COA1: variants seen among roughly 807,000 people sequenced by gnomAD.
COA1 encodes cytochrome c oxidase assembly factor 1 homolog.
Under a neutral mutation model 16.0 loss-of-function variants are expected in COA1, and 13 were observed. The ratio of observed to expected loss-of-function variants is 0.81; its 90% CI spans 0.53 to 1.29. The LOEUF is 1.29. Among genes scored for constraint, COA1 ranks in the 50% most tolerant of loss-of-function variants. The pLI, the probability that COA1 is intolerant of heterozygous loss-of-function variation, is 0.00. For missense variants in COA1, 179 were observed against 177.0 expected (o/e 1.01, Z -0.06); for synonymous variants, 65 against 65.7 (o/e 0.99, Z 0.05).
intron 1 of COA1, among the ~76,000 whole-genome samples, chr7:43,653,274 T>A (rs1210421235): frequency 1.3e-5 from 2 of 151,394 alleles, no homozygotes; most frequent in Non-Finnish European, 2.9e-5. Flanking sequence ...ATTGCGCCAC[T>A]GCACTCCAGC....
chr7:43,641,555 A>C (rs912811436), intron 4 of COA1: 1 of 152,210 alleles, frequency 6.6e-6, no homozygotes, highest in Non-Finnish European at 1.5e-5. Flanking sequence ...TACCAAAAAA[A>C]ATTCACTGTT....
At chr7:43,668,237 C>T (rs2093014091) in intron 1 of COA1, among the ~76,000 whole-genome samples, 2 of 152,184 alleles carry the variant, frequency 1.3e-5, no homozygotes, top group Admixed American at 6.5e-5. Flanking sequence ...TCCAGCAGCT[C>T]CAAGTTTATC....
At position 43,645,260 on chromosome 7, in the gene COA1, A is replaced by T. The variant is rs767230772; in HGVS notation, c.255T>A (p.Val85=). 6.2e-7 allele frequency: 1 copy of T among 1,613,980 alleles called. No homozygotes were observed. ...LIDRENFVDI[V]DAKLKIPVSG... is the part of the protein sequence containing the mutation. ...AGGGAAAGCACATTACCTTGGCATCAACAATGTCCACGAAGTTTTCCCTGT... is the reference window on the plus strand; with the variant it reads ...AGGGAAAGCACATTACCTTGGCATCTACAATGTCCACGAAGTTTTCCCTGT... Residue 85 remains valine, a synonymous_variant, in exon 4 of 6, where the codon GTT becomes GTA. Transcript: ENST00000223336.
intron 1 of COA1, among the ~76,000 whole-genome samples, chr7:43,721,776 G>T (rs917974135): frequency 1.3e-5 from 2 of 151,398 alleles, no homozygotes; most frequent in Non-Finnish European, 2.9e-5. Flanking sequence ...TTTACTGTAC[G>T]GTAATTTAAA....
At chr7:43,698,304 C>T (rs2094592627) in intron 1 of COA1, among the ~76,000 whole-genome samples, 1 of 152,094 alleles carries the variant, frequency 6.6e-6, no homozygotes, top group Admixed American at 6.5e-5. Flanking sequence ...TTTCCAGGAA[C>T]TCACTGCTTG....
chr7:43,648,862 T>G (rs1308022106), intron 1 of COA1: 1 of 512,416 alleles, frequency 2.0e-6, no homozygotes, highest in Non-Finnish European at 3.5e-6. Flanking sequence ...CCTGCGGGTT[T>G]CCTGTCTGTG....
intron 1 of COA1, among the ~76,000 whole-genome samples, chr7:43,712,021 C>T (rs1039855485): frequency 2.0e-5 from 3 of 152,108 alleles, no homozygotes; most frequent in Non-Finnish European, 2.9e-5. Flanking sequence ...TGATCCCATC[C>T]CCTTCCCTCC....
chr7:43,619,486 T>C, intron 6 of COA1: 20 of 1,326,926 alleles, frequency 1.5e-5, no homozygotes, highest in Non-Finnish European at 2.1e-5. Flanking sequence ...GACTGTTTAC[T>C]GTTAAATTCC....
intron 6 of COA1, chr7:43,632,955 C>G (rs190767222): frequency 6.6e-6 from 1 of 152,136 alleles, no homozygotes; most frequent in African/African-American, 2.4e-5. Flanking sequence ...TTTGTTGTTG[C>G]GTTTATACAG....
intron 6 of COA1, chr7:43,619,659 C>T (rs1397170647): frequency 5.0e-6 from 8 of 1,613,952 alleles, no homozygotes; most frequent in Non-Finnish European, 6.8e-6. Context: ...TTGATTTTGG[C>T]CTTTCAAGAA....
chr7:43,644,011 T>TG (rs1240315954), intron 4 of COA1, among the ~76,000 whole-genome samples: 1 of 152,184 alleles, frequency 6.6e-6, no homozygotes, highest in Non-Finnish European at 1.5e-5. Flanking sequence ...GATGACACTG[T>TG]GGCCCCTGGT....
At chr7:43,728,343 CTTTTG>C (rs1364450723) in intron 1 of COA1, among the ~76,000 whole-genome samples, 1 of 107,402 alleles carries the variant, frequency 9.3e-6, no homozygotes, top group Non-Finnish European at 1.7e-5. Context: ...GGACTGAAGA[CTTTTG>C]TTTTGTGTTT....
chr7:43,675,213 A>T (rs2093456674), intron 1 of COA1, among the ~76,000 whole-genome samples: 1 of 152,238 alleles, frequency 6.6e-6, no homozygotes, highest in Non-Finnish European at 1.5e-5. Context: ...TGGATTAAGA[A>T]AATGTGGCAC....
chr7:43,622,675 ATTTAC>A (rs1220855523), intron 6 of COA1: 1 of 147,282 alleles, frequency 6.8e-6, no homozygotes, highest in East Asian at 2.0e-4. Context: ...TGTGGCAGCA[ATTTAC>A]TTTATATCAA....
At chr7:43,641,448 A>G (rs1393276905) in intron 4 of COA1, 1 of 152,204 alleles carries the variant, frequency 6.6e-6, no homozygotes, top group East Asian at 1.9e-4. Flanking sequence ...ATGGAAACAG[A>G]GCAAAATCCA....
intron 1 of COA1, among the ~76,000 whole-genome samples, chr7:43,691,054 C>CAAAAAAAAA (rs1173049196): frequency 1.0e-4 from 4 of 40,016 alleles, no homozygotes; most frequent in South Asian, 9.6e-4. Flanking sequence ...CTCATCACTA[C>CAAAAAAAAA]AAAAAAAAAA....
chr7:43,647,546 T>C lies in COA1; in HGVS notation c.104A>G (p.Tyr35Cys). 1 of 1,612,716 alleles carries C rather than the reference T, an allele frequency of 6.2e-7. No individual in the cohort carries two copies. The highest frequency in any genetic ancestry group is 1.1e-5 in the South Asian group (1 of 91,054). Residue 35 changes from tyrosine (Y) to cysteine (C), a missense_variant, in exon 3 of 6, where the codon TAC (tyrosine) becomes TGC (cysteine). Tyr to Cys is a radical substitution (Grantham distance 194). Transcript: ENST00000223336. The part of the protein sequence containing the change: ...FYAGGFAIVY[Y>C]LIQKFHSRAL... ...AGCAGGATACTTACTTTGAATGAGG[T>C]AATACACAATGGCAAAGCCCCCGGC... is the stretch of plus-strand genomic sequence containing the variant.
At chr7:43,727,398 T>A (rs2095638361) in intron 1 of COA1, among the ~76,000 whole-genome samples, 1 of 152,204 alleles carries the variant, frequency 6.6e-6, no homozygotes. Flanking sequence ...AAACATGATG[T>A]CCACACAAAA....
At chr7:43,684,880 G>T (rs992877472) in intron 1 of COA1, among the ~76,000 whole-genome samples, 4 of 152,076 alleles carry the variant, frequency 2.6e-5, no homozygotes, top group African/African-American at 9.7e-5. Context: ...GAGCTCTGAA[G>T]AAACTTTAGA....
Sources: allele counts gnomAD v4.1 joint callset (sites outside exome capture counted in the v4.1 genomes callset), GRCh38; gene constraint gnomAD v4.1.1; transcripts MANE v1.5; gene names NCBI Gene and HGNC (gene_info 2026-07-23, HGNC 2026-07-21).